KHDRBS1: variants seen among roughly 807,000 people sequenced by gnomAD.
The protein encoded by KHDRBS1 is KH domain-containing, RNA-binding, signal transduction-associated protein 1.
In KHDRBS1, 7 loss-of-function variants were observed where a neutral mutation model predicts 48.4. That is an observed-to-expected ratio of 0.14 (90% confidence interval 0.08 to 0.27). KHDRBS1 has a LOEUF of 0.27. Ranked by LOEUF, KHDRBS1 falls within the 10% of genes least tolerant of loss-of-function variation. The probability of loss-of-function intolerance (pLI) is 1.00; values close to 1 mark genes in which losing one functional copy is unlikely to be tolerated. For synonymous variants in KHDRBS1, 241 were observed against 235.8 expected, an observed-to-expected ratio of 1.02 and a Z score of -0.20; for missense variants, 458 against 601.2, an observed-to-expected ratio of 0.76 and a Z score of 2.49.
chr1:32,051,661 A>G (rs61674254), intron 10 of KHDRBS1, among the ~76,000 whole-genome samples: 4,797 of 152,230 alleles, frequency 0.032, 243 homozygotes, highest in African/African-American at 0.11. Context: ...CACAGTTTCC[A>G]TAGAGTCTCC....
At chr1:32,029,743 G>A (rs2124374704) in intron 1 of KHDRBS1, among the ~76,000 whole-genome samples, 1 of 152,306 alleles carries the variant, frequency 6.6e-6, no homozygotes, top group East Asian at 1.9e-4. Flanking sequence ...GATATATTAA[G>A]TACTTTATGA....
rs761293742 is a variant in KHDRBS1 at position 32,030,402 on chromosome 1, C to G, written c.487C>G (p.Pro163Ala). ...GAAACTGAAAGAGCGAGTGCTGATA[C>G]CTGTCAAGCAGTATCCCAAGGTAAG... is the stretch of plus-strand genomic sequence containing the variant. Reference protein sequence around the residue: ...NMKLKERVLIPVKQYPKFNFV... With the variant: ...NMKLKERVLIAVKQYPKFNFV... Residue 163 changes from proline to alanine, a missense_variant, in exon 2 of 9, where the codon CCT (proline) becomes GCT (alanine). This residue lies in a region of KHDRBS1 where 74 missense variants were observed against 156.9 expected (regional missense o/e 0.47). Transcript: ENST00000327300. 1 of 1,609,762 alleles carries G rather than the reference C, an allele frequency of 6.2e-7. No homozygotes were observed. The highest frequency in any genetic ancestry group is 1.3e-5 in the African/African-American group (1 of 74,642).
At chr1:32,058,814 A>G (rs1007693888) in intron 10 of KHDRBS1, among the ~76,000 whole-genome samples, 2 of 152,108 alleles carry the variant, frequency 1.3e-5, no homozygotes, top group African/African-American at 4.8e-5. Context: ...AACAACAAAA[A>G]AGGTCTATAG....
At chr1:32,025,653 C>CT (rs1376013488) in intron 1 of KHDRBS1, among the ~76,000 whole-genome samples, 2 of 146,504 alleles carry the variant, frequency 1.4e-5, no homozygotes, top group Non-Finnish European at 3.0e-5. Context: ...TGCTTGCTTC[C>CT]TTTTCTTCCC....
At chr1:32,035,104 A>G (rs1346207456) in intron 4 of KHDRBS1, among the ~76,000 whole-genome samples, 3 of 152,096 alleles carry the variant, frequency 2.0e-5, no homozygotes, top group Non-Finnish European at 4.4e-5. Context: ...TCTATTGATC[A>G]CCCAAGCCAT....
chr1:32,029,108 A>C (rs1389422737), intron 1 of KHDRBS1, among the ~76,000 whole-genome samples: 1 of 152,164 alleles, frequency 6.6e-6, no homozygotes, highest in East Asian at 1.9e-4. Flanking sequence ...TATAGGAAGC[A>C]CTCAAACACT....
intron 1 of KHDRBS1, among the ~76,000 whole-genome samples, chr1:32,028,329 C>G (rs1432287346): frequency 1.3e-5 from 2 of 151,706 alleles, no homozygotes; most frequent in Non-Finnish European, 2.9e-5. Flanking sequence ...TTAATAAGCC[C>G]TCTTCTAGGT....
downstream of KHDRBS1, among the ~76,000 whole-genome samples, chr1:32,047,148 ACTAC>A (rs1249094685): frequency 6.6e-6 from 1 of 152,082 alleles, no homozygotes; most frequent in Non-Finnish European, 1.5e-5. Flanking sequence ...TCTATCACTC[ACTAC>A]CTGTGAACTT....
At chr1:32,038,341 ACTT>A (rs1038363188) in intron 6 of KHDRBS1, among the ~76,000 whole-genome samples, 12 of 152,186 alleles carry the variant, frequency 7.9e-5, no homozygotes, top group Admixed American at 2.0e-4. Context: ...TCCTGCCCAC[ACTT>A]CTTCTGTGGC....
chr1:32,033,485 A>G, intron 4 of KHDRBS1, 151 bp downstream of exon 4: 1 of 1,003,246 alleles, frequency 1.0e-6, no homozygotes. Flanking sequence ...GTAGTTCGTT[A>G]CTTGCACCTA....
At chr1:32,050,331 A>G (rs781323242) in intron 10 of KHDRBS1, among the ~76,000 whole-genome samples, 3 of 152,160 alleles carry the variant, frequency 2.0e-5, no homozygotes, top group Non-Finnish European at 4.4e-5. Context: ...ATTTTCTCCC[A>G]TTCAGTGGGT....
intron 10 of KHDRBS1, among the ~76,000 whole-genome samples, chr1:32,049,291 G>T (rs971358979): frequency 6.6e-6 from 1 of 151,958 alleles, no homozygotes; most frequent in African/African-American, 2.4e-5. Flanking sequence ...CGTGACTTCA[G>T]GTGATCCGCC....
intron 1 of KHDRBS1, among the ~76,000 whole-genome samples, chr1:32,023,674 CCTT>C (rs1638904877): frequency 6.6e-6 from 1 of 152,176 alleles, no homozygotes. Context: ...GGAAGCTCCT[CCTT>C]GATTTTTTGT....
chr1:32,053,726 G>A (rs139963675), intron 10 of KHDRBS1, among the ~76,000 whole-genome samples: 1 of 152,292 alleles, frequency 6.6e-6, no homozygotes, highest in East Asian at 1.9e-4. Flanking sequence ...TTCATCATTT[G>A]TAAAATGGGG....
intron 10 of KHDRBS1, among the ~76,000 whole-genome samples, chr1:32,058,858 A>T (rs963575854): frequency 6.6e-5 from 10 of 152,174 alleles, no homozygotes; most frequent in Non-Finnish European, 1.5e-4. Context: ...GAAGTCAATG[A>T]ATTCAAGAAC....
At chr1:32,030,150 A>C in intron 1 of KHDRBS1, 148 bp from the exon 2 acceptor site, 1 of 552,102 alleles carries the variant, frequency 1.8e-6, no homozygotes, top group East Asian at 3.6e-5. Flanking sequence ...ATATAGCTTT[A>C]GTGCTTTCAG....
chr1:32,036,241 G>A (rs1639179264), intron 4 of KHDRBS1, among the ~76,000 whole-genome samples: 2 of 137,888 alleles, frequency 1.5e-5, no homozygotes, highest in African/African-American at 5.6e-5. Flanking sequence ...GCGCTATCTT[G>A]GCTCACTGCA....
intron 8 of KHDRBS1, among the ~76,000 whole-genome samples, chr1:32,040,288 C>T (rs6696873): frequency 0.038 from 5,728 of 152,046 alleles, 353 homozygotes; most frequent in African/African-American, 0.13. Context: ...TGGTGGTGGG[C>T]GCCTTTAATC....
chr1:32,050,287 C>T lies in KHDRBS1; in HGVS notation n.1301+4897C>T, dbSNP rs976031199. Among the ~76,000 whole-genome samples the T allele has an allele frequency of 7.9e-5, 12 of 152,134 alleles. 1 individual carries two copies. Among genetic ancestry groups the T allele is most frequent in the Non-Finnish European group, 1.3e-4 (9 of 68,028 alleles). On this transcript the variant is annotated intron_variant and non_coding_transcript_variant, in intron 10 of 10. Transcript: ENST00000484270. The stretch of plus-strand genomic sequence containing the variant: ...TTGTAAGTTCTTTATATATTCTGGA[C>T]GCTAAACTCTTGTCAGATGTATGAT...
Sources: gnomAD v4.1 joint callset for allele counts (sites outside exome capture counted in the v4.1 genomes callset) on GRCh38, gnomAD v4.1.1 for gene constraint, gnomAD v4.1.1 regional missense constraint, MANE v1.5 for transcripts, NCBI Gene and HGNC (gene_info 2026-07-23, HGNC 2026-07-21) for gene names.